The following KIAA0232 variants were observed in gnomAD, a reference collection of about 807,000 sequenced individuals.
KIAA0232 encodes the protein uncharacterized protein KIAA0232.
In KIAA0232, 27 loss-of-function variants were observed where a neutral mutation model predicts 122.0. The observed-to-expected ratio is 0.22, with a 90% CI of 0.16 to 0.31. The LOEUF is 0.31. KIAA0232 is among the 10% of genes least tolerant of loss of function. KIAA0232 has a pLI of 1.00. For missense variants in KIAA0232, 1,551 were observed against 1,634.2 expected, an observed-to-expected ratio of 0.95 and a Z score of 0.88; for synonymous variants, 613 against 587.6, an observed-to-expected ratio of 1.04 and a Z score of -0.63.
rs142302397 is a variant in KIAA0232, at chr4:6,848,962, G to A, written c.369+6758G>A. ...TGTCTTTGGGTATATAGATGGCAGT[G>A]GAGCTGGAGCATTTGAGGACACACG... is the stretch of plus-strand genomic sequence containing the variant. On this transcript the variant is annotated intron_variant, in intron 4 of 9. Transcript: ENST00000307659. Among the ~76,000 whole-genome samples the A allele has an allele frequency of 6.9e-3, 1,057 of 152,342 alleles. 8 individuals are homozygous for A. Among genetic ancestry groups the A allele is most frequent in the Non-Finnish European group, 0.011 (736 of 68,034 alleles).
chr4:6,823,637 G>A (rs1241217056), intron 2 of KIAA0232, among the ~76,000 whole-genome samples: 8 of 150,940 alleles, frequency 5.3e-5, no homozygotes, highest in Non-Finnish European at 8.8e-5. Flanking sequence ...ACTTATTTCC[G>A]TTATACTTAG....
chr4:6,852,849 A>G (rs1720366613), intron 4 of KIAA0232, among the ~76,000 whole-genome samples: 1 of 152,198 alleles, frequency 6.6e-6, no homozygotes, highest in South Asian at 2.1e-4. Flanking sequence ...CACATGGCAG[A>G]TGGAGAACAC....
At chr4:6,819,304 C>T (rs1164337180) in intron 2 of KIAA0232, among the ~76,000 whole-genome samples, 1 of 152,010 alleles carries the variant, frequency 6.6e-6, no homozygotes, top group African/African-American at 2.4e-5. Context: ...AATAGATACA[C>T]CATTTCATAT....
At chr4:6,851,071 G>A (rs1335237621) in intron 4 of KIAA0232, among the ~76,000 whole-genome samples, 1 of 152,062 alleles carries the variant, frequency 6.6e-6, no homozygotes, top group African/African-American at 2.4e-5. Flanking sequence ...GTGTTTTTTT[G>A]TAACTGTCAG....
intron 6 of KIAA0232, among the ~76,000 whole-genome samples, chr4:6,859,450 A>G (rs886709434): frequency 7.2e-5 from 11 of 152,294 alleles, no homozygotes; most frequent in African/African-American, 2.2e-4. Context: ...TCAAACCGTG[A>G]TGTGCTGTCA....
intron 3 of KIAA0232, among the ~76,000 whole-genome samples, 183 bp from the exon 4 acceptor site, chr4:6,841,884 T>G (rs752745307): frequency 1.3e-5 from 2 of 152,172 alleles, no homozygotes; most frequent in Non-Finnish European, 2.9e-5. Context: ...CCAAGTTGTT[T>G]TATAGAATCA....
intron 1 of KIAA0232, among the ~76,000 whole-genome samples, chr4:6,792,151 C>T (rs1019814161): frequency 6.6e-6 from 1 of 152,166 alleles, no homozygotes; most frequent in Non-Finnish European, 1.5e-5. Context: ...ATGTCTTTAT[C>T]AGCATTGCAA....
chr4:6,821,690 G>A (rs1017473987), intron 2 of KIAA0232, among the ~76,000 whole-genome samples: 4 of 137,320 alleles, frequency 2.9e-5, no homozygotes, highest in African/African-American at 1.3e-4. Context: ...GTATATATGT[G>A]TGTGTGTGTG....
chr4:6,798,905 C>T (rs1717253296), intron 1 of KIAA0232, among the ~76,000 whole-genome samples: 1 of 152,142 alleles, frequency 6.6e-6, no homozygotes, highest in Non-Finnish European at 1.5e-5. Context: ...GCAGTTTCAT[C>T]AGGTGTAGGG....
chr4:6,798,168 A>G (rs538024625), intron 1 of KIAA0232, among the ~76,000 whole-genome samples: 5 of 152,230 alleles, frequency 3.3e-5, no homozygotes, highest in Non-Finnish European at 2.9e-5. Flanking sequence ...GGGCACATAC[A>G]TGATGGCCCT....
At chr4:6,803,085 G>A (rs1399959895) in intron 1 of KIAA0232, among the ~76,000 whole-genome samples, 2 of 151,022 alleles carry the variant, frequency 1.3e-5, no homozygotes, top group Non-Finnish European at 2.9e-5. Flanking sequence ...GGAAGGTGAG[G>A]TGGGAGGATC....
intron 7 of KIAA0232, among the ~76,000 whole-genome samples, chr4:6,865,932 T>C (rs1577412291): frequency 6.6e-6 from 1 of 152,222 alleles, no homozygotes; most frequent in Admixed American, 6.5e-5. Flanking sequence ...CTTGTGGCTG[T>C]GGACCATGCC....
Position 6,863,322 on chromosome 4 carries a change from C to T in KIAA0232, c.2940C>T (p.Asn980=). 1 of 1,614,152 alleles carries T rather than the reference C, an allele frequency of 6.2e-7. No individual in the cohort carries two copies. Residue 980 remains asparagine, a synonymous_variant, in exon 7 of 10, where the codon AAC becomes AAT. Coordinates refer to ENST00000307659, the MANE Select transcript of KIAA0232 (RefSeq NM_014743.3). ...CAGATGTCTTTATGACCCCAGGAAA[C>T]AGTTTTGCTCCTGGGCACAGGCAGT... ...AGTDVFMTPG[N]SFAPGHRQLW...
chr4:6,857,592 C>G (rs1720629825), intron 5 of KIAA0232, among the ~76,000 whole-genome samples: 1 of 152,112 alleles, frequency 6.6e-6, no homozygotes, highest in South Asian at 2.1e-4. Context: ...CCATCCTTGC[C>G]CCTCTGTTAA....
rs1560204110 is a variant in KIAA0232 at position 6,863,511 on chromosome 4, C to T, written c.3129C>T (p.Asp1043=). ...PGLEYSFSSF[D]LSNPFSQVLH... is the part of the protein sequence containing the mutation. ...TTGAATACTCATTTTCTTCCTTTGA[C>T]TTAAGCAATCCATTTTCACAAGTTC... The change falls in exon 7 of 10, where the codon GAC becomes GAT. Residue 1043 remains aspartate, a synonymous_variant. Coordinates refer to ENST00000307659, the MANE Select transcript of KIAA0232 (RefSeq NM_014743.3). 1.2e-6 allele frequency: 2 copies of T among 1,614,184 alleles called. No homozygotes were observed. The highest frequency in any genetic ancestry group is 1.6e-4 in the Middle Eastern group (1 of 6,062).
At chr4:6,790,082 A>G (rs1382121250) in intron 1 of KIAA0232, among the ~76,000 whole-genome samples, 4 of 152,158 alleles carry the variant, frequency 2.6e-5, no homozygotes, top group Admixed American at 2.0e-4. Context: ...ACTATACAGT[A>G]TGTTATTTTC....
At chr4:6,816,517 C>T (rs1329126269) in intron 2 of KIAA0232, among the ~76,000 whole-genome samples, 4 of 152,190 alleles carry the variant, frequency 2.6e-5, no homozygotes, top group African/African-American at 4.8e-5. Context: ...CTCCTGACCT[C>T]GTGATCCACC....
chr4:6,797,635 G>A (rs936919923), intron 1 of KIAA0232, among the ~76,000 whole-genome samples: 3 of 151,672 alleles, frequency 2.0e-5, no homozygotes, highest in African/African-American at 7.3e-5. Context: ...GTGTAGTGGT[G>A]TATGCCCATA....
intron 2 of KIAA0232, among the ~76,000 whole-genome samples, chr4:6,817,671 C>G (rs912952264): frequency 2.6e-5 from 4 of 152,150 alleles, no homozygotes; most frequent in Non-Finnish European, 5.9e-5. Context: ...GCCAAAGATA[C>G]AGTTTATCTT....
Sources: gnomAD v4.1 joint callset for allele counts (sites outside exome capture counted in the v4.1 genomes callset) on GRCh38, gnomAD v4.1.1 for gene constraint, MANE v1.5 for transcripts, NCBI Gene and HGNC (gene_info 2026-07-23, HGNC 2026-07-21) for gene names.